The following NELFB variants were observed in gnomAD, a reference collection of about 807,000 sequenced individuals.
NELFB encodes the protein negative elongation factor complex member B, also known as negative elongation factor B.
In NELFB, 34 loss-of-function variants were observed where a neutral mutation model predicts 60.2. That is an observed-to-expected ratio of 0.56 (90% CI 0.43 to 0.75). NELFB has a LOEUF of 0.75. Ranked by LOEUF, NELFB falls within the 30% of genes least tolerant of loss-of-function variation. The probability of loss-of-function intolerance (pLI) is 0.00; values close to 1 mark genes in which losing one functional copy is unlikely to be tolerated. For synonymous variants in NELFB, 459 were observed against 382.1 expected (o/e 1.20, Z -2.35); for missense variants, 770 against 831.6 (o/e 0.93, Z 0.91).
chr9:137,272,319 G>T, intron 11 of NELFB, 97 bp downstream of exon 11: 1 of 1,555,332 alleles, frequency 6.4e-7, no homozygotes, highest in South Asian at 1.2e-5. Flanking sequence ...GGGGCGGAGG[G>T]TCCGCAGGTG....
chr9:137,270,408 T>C (rs1830569894), intron 10 of NELFB, among the ~76,000 whole-genome samples: 1 of 149,918 alleles, frequency 6.7e-6, no homozygotes, highest in African/African-American at 2.5e-5. Flanking sequence ...CTGGCCAACA[T>C]GGTGGAATCC....
rs371291853 is a variant in NELFB at position 137,272,094 on chromosome 9, C to T, written c.1503C>T (p.Gly501=). 1.3e-5 allele frequency: 21 copies of T among 1,614,000 alleles called. No individual in the cohort carries two copies. The Admixed American group carries it at 1.3e-4, about 10-fold the overall frequency. ...CTGTGTCTGCAGTGGAGACCTTTGG[C>T]GACTTGGCCTTTGGCGACATCTTCC... is the stretch of plus-strand genomic sequence containing the variant. Residue 501 remains glycine, a synonymous_variant, in exon 11 of 13, where the codon GGC becomes GGT. Coordinates refer to ENST00000343053, the MANE Select transcript of NELFB (RefSeq NM_015456.5).
chr9:137,257,289 C>T (rs1249761221), intron 4 of NELFB, among the ~76,000 whole-genome samples: 16 of 152,238 alleles, frequency 1.1e-4, no homozygotes, highest in Admixed American at 7.9e-4. Flanking sequence ...TTAAAATCTG[C>T]GGAAAGCCCG....
chr9:137,262,324 C>G (rs780171322), intron 4 of NELFB, among the ~76,000 whole-genome samples: 4 of 152,188 alleles, frequency 2.6e-5, no homozygotes, highest in Non-Finnish European at 4.4e-5. Flanking sequence ...CCGCTAGACC[C>G]TGGTCCGCCT....
rs150782209 is a variant in NELFB, at chr9:137,272,121, C to T, written c.1530C>T (p.Leu510=). ...ACTTGGCCTTTGGCGACATCTTCCT[C>T]CACCTGCTCACGGGCAACCTTGCGC... The change falls in exon 11 of 13, where the codon CTC becomes CTT. Residue 510 remains leucine, a synonymous_variant. Coordinates refer to ENST00000343053, the MANE Select transcript of NELFB (RefSeq NM_015456.5). 12 of 1,614,102 alleles carry T rather than the reference C, an allele frequency of 7.4e-6. No homozygotes were observed. The African/African-American group carries it at 9.3e-5, about 13-fold the overall frequency.
At chr9:137,262,330 C>T (rs1318263887) in intron 4 of NELFB, among the ~76,000 whole-genome samples, 1 of 152,162 alleles carries the variant, frequency 6.6e-6, no homozygotes, top group Non-Finnish European at 1.5e-5. Context: ...GACCCTGGTC[C>T]GCCTGGCAAC....
rs760331280 is a variant in NELFB at position 137,267,005 on chromosome 9, C to CT, written c.1304dup (p.Asn436GlnfsTer9). The CT allele has an allele frequency of 1.2e-6, 2 of 1,614,054 alleles. No individual in the cohort carries two copies. The highest frequency in any genetic ancestry group is 1.7e-6 in the Non-Finnish European group (2 of 1,180,016). ...ATGTCCTTCCTGGTGGATGACTACA[C>CT]TTTCAATGTGGATCAGAAACTTCCG... On this transcript the variant is annotated frameshift_variant, in exon 9 of 13. Transcript: ENST00000343053. LOFTEE classifies it high-confidence loss of function.
chr9:137,266,482 G>C, intron 8 of NELFB, 56 bp downstream of exon 8: 1 of 1,485,112 alleles, frequency 6.7e-7, no homozygotes, highest in Non-Finnish European at 9.3e-7. Flanking sequence ...TGGGCTGGAA[G>C]TGGGGTGGAG....
At position 137,263,266 on chromosome 9, in the gene NELFB, G is replaced by A. The variant is rs765657056; in HGVS notation, c.927+44G>A. The A allele has an allele frequency of 3.1e-5, 48 of 1,530,930 alleles. 2 individuals carry two copies. In the African/African-American group the frequency reaches 3.9e-4, roughly 12 times the overall value. The allele number at this position is 1,530,930 out of a possible 1,614,324, so 94.8% of individuals were successfully genotyped here. A position where few individuals can be genotyped will look rare whatever the true frequency, so the allele number is the denominator to read the frequency against. On this transcript the variant is annotated intron_variant, in intron 5 of 12. Transcript: ENST00000343053. Reference sequence around the variant, plus strand: ...CTTCCCCCCTACCCTCCTGAAGGTAGTGCTGCCCTCCCTCCCTCCTTCCCT... The same window carrying A: ...CTTCCCCCCTACCCTCCTGAAGGTAATGCTGCCCTCCCTCCCTCCTTCCCT...
chr9:137,273,189 C>T lies in NELFB; in HGVS notation c.*261C>T. On this transcript the variant is annotated 3_prime_UTR_variant, in exon 13 of 13. Coordinates refer to ENST00000343053, the MANE Select transcript of NELFB (RefSeq NM_015456.5). Reference sequence around the variant, plus strand: ...AGAAAGCGTGCTCATTTTCTGTTTTCCTGTGTTAGGAAAAAACCACCTGTT... The same window carrying T: ...AGAAAGCGTGCTCATTTTCTGTTTTTCTGTGTTAGGAAAAAACCACCTGTT... 2.4e-6 allele frequency: 1 copy of T among 415,148 alleles called. No individual in the cohort carries two copies. The highest frequency in any genetic ancestry group is 4.1e-5 in the Admixed American group (1 of 24,630). 25.7% of individuals were successfully genotyped at this position (415,148 alleles called of 1,614,324 possible). A position where few individuals can be genotyped will look rare whatever the true frequency, so the allele number is the denominator to read the frequency against.
intron 5 of NELFB, 34 bp from the exon 6 acceptor site, chr9:137,264,211 T>C (rs1225281574): frequency 6.6e-7 from 1 of 1,517,922 alleles, no homozygotes; most frequent in Non-Finnish European, 8.9e-7. Flanking sequence ...CCTGGGAGGT[T>C]TGGGCTGGTC....
chr9:137,269,141 C>T lies in NELFB; in HGVS notation c.1489+1795C>T, dbSNP rs565826867. The stretch of plus-strand genomic sequence containing the variant: ...GTGGCTGGTGTGTTTGAGGATGGCG[C>T]GTGCATGCGTTTTCCAGCTTTCTTT... On this transcript the variant is annotated intron_variant, in intron 10 of 12. Transcript: ENST00000343053. The surrounding 1 kb of genome is among the most constrained non-coding windows in gnomAD (Gnocchi z 5.3). Among the ~76,000 whole-genome samples, 1 of 152,002 alleles carries T rather than the reference C, an allele frequency of 6.6e-6. No homozygotes were observed. The highest frequency in any genetic ancestry group is 2.4e-5 in the African/African-American group (1 of 41,372).
rs1416196212 is a variant in NELFB at position 137,256,398 on chromosome 9, G to T, written c.480G>T (p.Val160=). The change falls in exon 3 of 13, where the codon GTG becomes GTT. Residue 160 remains valine, a synonymous_variant. Coordinates refer to ENST00000343053, the MANE Select transcript of NELFB (RefSeq NM_015456.5). ...TGAAGATGCCGTCCCTGCAGCCCGTGGTGATGTGCGTCATGAAGCACCTGC... is the reference window on the plus strand; with the variant it reads ...TGAAGATGCCGTCCCTGCAGCCCGTTGTGATGTGCGTCATGAAGCACCTGC... 5 of 1,613,934 alleles carry T rather than the reference G, an allele frequency of 3.1e-6. No homozygotes were observed. In the East Asian group the frequency reaches 1.1e-4, roughly 36 times the overall value.
At chr9:137,265,130 C>T (rs1273912722) in intron 6 of NELFB, among the ~76,000 whole-genome samples, 1 of 145,488 alleles carries the variant, frequency 6.9e-6, no homozygotes, top group African/African-American at 2.6e-5. Context: ...ATTGATCCTG[C>T]TGTCTCCGCC....
chr9:137,255,737 G>T, intron 1 of NELFB, 126 bp downstream of exon 1: 1 of 1,420,594 alleles, frequency 7.0e-7, no homozygotes. Flanking sequence ...TGTTCTGGGG[G>T]TGGAGTCCGG....
chr9:137,256,481 C>T (rs1395140198), intron 3 of NELFB, 53 bp downstream of exon 3: 28 of 1,527,222 alleles, frequency 1.8e-5, no homozygotes, highest in Non-Finnish European at 2.3e-5. Context: ...CACTCTCATG[C>T]CCTTGGTTAG....
Position 137,266,230 on chromosome 9 carries a change from A to G in NELFB, c.1144-101A>G, listed in dbSNP as rs558676953. ...TGATCGCAGTCGTGTGGTCCTGGCC[A>G]TGGGCACCAGAGATCCTGCTGAGTA... On this transcript the variant is annotated intron_variant, in intron 7 of 12. Transcript: ENST00000343053. 3.9e-5 allele frequency: 41 copies of G among 1,052,346 alleles called. No individual in the cohort carries two copies. In the East Asian group the frequency reaches 9.5e-4, roughly 24 times the overall value. 65.2% of individuals were successfully genotyped at this position (1,052,346 alleles called of 1,614,324 possible). A position where few individuals can be genotyped will look rare whatever the true frequency, so the allele number is the denominator to read the frequency against.
At chr9:137,267,853 C>G (rs547725021) in intron 10 of NELFB, among the ~76,000 whole-genome samples, 64 of 152,286 alleles carry the variant, frequency 4.2e-4, no homozygotes, top group African/African-American at 1.4e-3. Flanking sequence ...GGGAGTTCAA[C>G]TTTGTGCTTT....
At chr9:137,262,441 A>T (rs992454250) in intron 4 of NELFB, among the ~76,000 whole-genome samples, 8 of 152,040 alleles carry the variant, frequency 5.3e-5, no homozygotes, top group Non-Finnish European at 7.4e-5. Flanking sequence ...TTCTGGTCAC[A>T]CCTCACTATG....
Sources: gnomAD v4.1 joint callset for allele counts (sites outside exome capture counted in the v4.1 genomes callset) on GRCh38, gnomAD v4.1.1 for gene constraint, Gnocchi (gnomAD v3.1) non-coding constraint, MANE v1.5 for transcripts, NCBI Gene and HGNC (gene_info 2026-07-23, HGNC 2026-07-21) for gene names.